Variants in KLRG1 observed in about 807,000 individuals in gnomAD.
The protein encoded by KLRG1 is killer cell lectin-like receptor subfamily G member 1.
KLRG1 carries 16 observed loss-of-function variants against 21.8 expected under a neutral mutation model. The observed-to-expected ratio is 0.73, with a 90% CI of 0.50 to 1.11. KLRG1 has a LOEUF of 1.11. KLRG1 is among the 50% of genes most tolerant of loss of function. KLRG1 has a pLI of 0.00. For missense variants in KLRG1, 173 were observed against 218.3 expected (o/e 0.79, Z 1.31); for synonymous variants, 69 against 75.9 (o/e 0.91, Z 0.47).
At chr12:9,067,789 G>T in the KLRG1 span, 1 of 1,606,626 alleles carries the variant, frequency 6.2e-7, no homozygotes, top group South Asian at 1.1e-5. Context: ...CTGAGAACAG[G>T]ACTCCAGCAA....
chr12:9,062,445 C>T, the KLRG1 span, among the ~76,000 whole-genome samples: 2 of 138,904 alleles, frequency 1.4e-5, no homozygotes, highest in Non-Finnish European at 3.1e-5. Context: ...TATAAAAAAT[C>T]ACCTGACACA....
At chr12:9,202,729 T>C in the KLRG1 span, 1 of 1,559,802 alleles carries the variant, frequency 6.4e-7, no homozygotes, top group Non-Finnish European at 8.8e-7. Flanking sequence ...TGTGCAGTCT[T>C]CTCCCTCTGC....
the KLRG1 span, among the ~76,000 whole-genome samples, chr12:9,096,573 G>A: frequency 5.3e-5 from 8 of 152,250 alleles, no homozygotes; most frequent in South Asian, 6.2e-4. Flanking sequence ...AACTTTAACC[G>A]TAAAATTCTA....
chr12:9,068,277 A>G, the KLRG1 span: 7 of 1,576,988 alleles, frequency 4.4e-6, no homozygotes, highest in Non-Finnish European at 6.0e-6. Flanking sequence ...GAAGTGAGAA[A>G]GAAAGCAAAC....
rs775112611 is a variant in KLRG1, at chr12:8,964,781, C to T, written c.-156+14545C>T. 1.4e-3 allele frequency among the ~76,000 whole-genome samples: 210 copies of T among 150,408 alleles called. 2 individuals are homozygous for T. Among genetic ancestry groups the T allele is most frequent in the African/African-American group, 4.6e-3 (189 of 40,822 alleles). On this transcript the variant is annotated intron_variant, in intron 1 of 4. Transcript: ENST00000539240. ...CTTCTTGTTGAATTGATCCCTTTAC[C>T]ATTATGTAATGGCCTTCTTTGTCTC...
the KLRG1 span, chr12:9,161,122 G>C: frequency 6.5e-7 from 1 of 1,550,026 alleles, no homozygotes. Flanking sequence ...AGCACCTTTA[G>C]AAACAGACAG....
intron 1 of KLRG1, among the ~76,000 whole-genome samples, chr12:8,952,137 G>A (rs1333211136): frequency 1.3e-5 from 2 of 152,114 alleles, no homozygotes; most frequent in Non-Finnish European, 1.5e-5. Flanking sequence ...TTATTAACAA[G>A]CACACTCCCC....
chr12:9,103,204 A>G, the KLRG1 span, among the ~76,000 whole-genome samples: 2 of 152,224 alleles, frequency 1.3e-5, no homozygotes, highest in African/African-American at 4.8e-5. Context: ...CTAACAGTTA[A>G]AGGGGGCTTA....
the KLRG1 span, among the ~76,000 whole-genome samples, chr12:9,195,392 CT>C: frequency 6.6e-6 from 1 of 151,794 alleles, no homozygotes; most frequent in East Asian, 1.9e-4. Context: ...TCCCCTTCCC[CT>C]GGCCCTTCCC....
At chr12:9,203,086 A>G in the KLRG1 span, among the ~76,000 whole-genome samples, 2 of 152,192 alleles carry the variant, frequency 1.3e-5, no homozygotes, top group Non-Finnish European at 2.9e-5. Flanking sequence ...ATTATGTTGC[A>G]TGCAAAGTTT....
At chr12:9,077,874 C>T in the KLRG1 span, 12 of 1,613,878 alleles carry the variant, frequency 7.4e-6, no homozygotes, top group African/African-American at 1.3e-5. Context: ...AGGGAGGAAG[C>T]AATCATGATG....
At chr12:9,167,941 T>C in the KLRG1 span, among the ~76,000 whole-genome samples, 3 of 152,182 alleles carry the variant, frequency 2.0e-5, no homozygotes, top group African/African-American at 4.8e-5. Context: ...ATTTACCATT[T>C]TTGAGAAATT....
intron 1 of KLRG1, among the ~76,000 whole-genome samples, chr12:8,968,510 G>A (rs1282283740): frequency 6.6e-6 from 1 of 152,096 alleles, no homozygotes; most frequent in Non-Finnish European, 1.5e-5. Flanking sequence ...GGAAAAGACA[G>A]GTCCATAATT....
the KLRG1 span, among the ~76,000 whole-genome samples, chr12:9,175,020 A>C: frequency 6.6e-6 from 1 of 152,228 alleles, no homozygotes; most frequent in Non-Finnish European, 1.5e-5. Flanking sequence ...TCTAAGCAAG[A>C]AGAACAAAGC....
the KLRG1 span, chr12:9,160,125 CCTT>C: frequency 2.4e-6 from 3 of 1,241,618 alleles, no homozygotes; most frequent in Non-Finnish European, 3.5e-6. Context: ...CATTTTATGA[CCTT>C]CTGTGATCTG....
At chr12:8,973,181 A>G (rs928901090) in intron 1 of KLRG1, among the ~76,000 whole-genome samples, 2 of 131,086 alleles carry the variant, frequency 1.5e-5, no homozygotes, top group African/African-American at 2.6e-5. Context: ...AAAAAAAAAA[A>G]AAAAAAAAGA....
chr12:8,961,062 A>G (rs1946374147), intron 1 of KLRG1, among the ~76,000 whole-genome samples: 1 of 152,244 alleles, frequency 6.6e-6, no homozygotes, highest in African/African-American at 2.4e-5. Context: ...AAGGAAACTG[A>G]GGTTCACAGA....
chr12:9,075,267 A>G, the KLRG1 span, among the ~76,000 whole-genome samples: 20 of 152,232 alleles, frequency 1.3e-4, 1 homozygote, highest in Admixed American at 1.3e-3. Context: ...AACAATGGGA[A>G]CCAATATACA....
At chr12:9,005,201 CG>C (rs1367350340) in intron 3 of KLRG1, among the ~76,000 whole-genome samples, 1 of 115,478 alleles carries the variant, frequency 8.7e-6, no homozygotes, top group Non-Finnish European at 1.8e-5. Context: ...CCGGGCCTGT[CG>C]GGGGGTGGGG....
Sources: gnomAD v4.1 joint callset for allele counts (sites outside exome capture counted in the v4.1 genomes callset) on GRCh38, gnomAD v4.1.1 for gene constraint, MANE v1.5 for transcripts, NCBI Gene and HGNC (gene_info 2026-07-23, HGNC 2026-07-21) for gene names.